The following TRIM55 variants were observed in gnomAD, a reference collection of about 807,000 sequenced individuals.
TRIM55 encodes tripartite motif-containing protein 55.
In TRIM55, 50 loss-of-function variants were observed where a neutral mutation model predicts 60.9. The observed-to-expected ratio is 0.82, with a 90% CI of 0.65 to 1.04. The LOEUF (loss-of-function observed/expected upper bound fraction) is 1.04, where lower values mean the gene tolerates loss of function less well. Ranked by LOEUF, TRIM55 falls within the 50% of genes least tolerant of loss-of-function variation. The pLI, the probability that TRIM55 is intolerant of heterozygous loss-of-function variation, is 0.00. For synonymous variants in TRIM55, 237 were observed against 238.1 expected, an observed-to-expected ratio of 1.00 and a Z score of 0.04; for missense variants, 681 against 666.9, an observed-to-expected ratio of 1.02 and a Z score of -0.23.
the TRIM55 span, chr8:66,115,225 T>C: frequency 6.6e-6 from 1 of 152,352 alleles, no homozygotes; most frequent in Non-Finnish European, 1.5e-5. Flanking sequence ...TATGCTTTTG[T>C]TACCAGTGTA....
Position 66,152,637 on chromosome 8 carries a change from C to T in TRIM55, c.1236+10C>T. ...TGCCCCTGTGACACAGGTAACCCCT[C>T]CTGAGTCTCTTTCTACAGGGCACAT... On this transcript the variant is annotated intron_variant, in intron 8 of 9. Transcript: ENST00000315962. The T allele has an allele frequency of 6.2e-7, 1 of 1,612,016 alleles. No individual in the cohort carries two copies. The highest frequency in any genetic ancestry group is 8.5e-7 in the Non-Finnish European group (1 of 1,179,050).
the TRIM55 span, chr8:66,113,364 G>A: frequency 1.9e-5 from 7 of 377,356 alleles, no homozygotes; most frequent in African/African-American, 1.1e-4. Flanking sequence ...ACACGTACAC[G>A]TCCCTTCGAT....
intron 7 of TRIM55, among the ~76,000 whole-genome samples, chr8:66,150,778 C>T (rs113610395): frequency 5.1e-4 from 78 of 152,122 alleles, no homozygotes; most frequent in African/African-American, 1.7e-3. Flanking sequence ...GCGATTCTCC[C>T]GCCTCAGCCT....
chr8:66,113,354 A>G, the TRIM55 span: 3 of 361,758 alleles, frequency 8.3e-6, no homozygotes, highest in South Asian at 6.1e-5. Context: ...GGACGCCGAC[A>G]CACGTACACG....
intron 9 of TRIM55, among the ~76,000 whole-genome samples, chr8:66,154,704 TC>T (rs969607830): frequency 1.1e-4 from 16 of 152,198 alleles, no homozygotes; most frequent in Non-Finnish European, 1.8e-4. Context: ...CTTCCCTGTG[TC>T]CTCCTTGGGC....
rs189082418 is a variant in TRIM55, at chr8:66,170,081, A to G, written c.1525-4390A>G. 2.1e-3 allele frequency among the ~76,000 whole-genome samples: 321 copies of G among 152,326 alleles called. 3 individuals are homozygous for G. The highest frequency in any genetic ancestry group is 7.4e-3 in the African/African-American group (308 of 41,560). ...AGAAAAAAATGTTAGTATAAACAGTATAACAGAAAATGGGAGTATATAATG... is the reference window on the plus strand; with the variant it reads ...AGAAAAAAATGTTAGTATAAACAGTGTAACAGAAAATGGGAGTATATAATG... On this transcript the variant is annotated intron_variant, in intron 9 of 9. Transcript: ENST00000315962.
intron 4 of TRIM55, among the ~76,000 whole-genome samples, chr8:66,144,880 AC>A (rs768140919): frequency 4.6e-5 from 7 of 152,240 alleles, no homozygotes; most frequent in Middle Eastern, 3.2e-3. Flanking sequence ...AGACGTTTTC[AC>A]AATGCAAAAG....
intron 9 of TRIM55, among the ~76,000 whole-genome samples, chr8:66,162,549 G>A (rs1306145116): frequency 6.6e-6 from 1 of 151,774 alleles, no homozygotes; most frequent in African/African-American, 2.4e-5. Context: ...GATTTAAGGA[G>A]GATTCCCTTT....
intron 9 of TRIM55, among the ~76,000 whole-genome samples, chr8:66,159,711 A>C (rs950853775): frequency 1.3e-5 from 2 of 152,106 alleles, no homozygotes; most frequent in Non-Finnish European, 2.9e-5. Flanking sequence ...GTATTGTGTC[A>C]ATCTTTCATA....
chr8:66,126,873 G>C (rs1425381354), upstream of TRIM55: 1 of 164,282 alleles, frequency 6.1e-6, no homozygotes. Flanking sequence ...GCATGGTTCA[G>C]TGGCTAGGCA....
At chr8:66,145,724 G>A (rs565313958) in intron 4 of TRIM55, among the ~76,000 whole-genome samples, 8 of 152,132 alleles carry the variant, frequency 5.3e-5, no homozygotes, top group East Asian at 1.9e-4. Context: ...GCAATGGCGC[G>A]ATCTTGGCAC....
intron 2 of TRIM55, among the ~76,000 whole-genome samples, chr8:66,130,503 T>G (rs1414739015): frequency 1.4e-5 from 2 of 145,116 alleles, no homozygotes; most frequent in African/African-American, 2.6e-5. Context: ...TAGGTAACAC[T>G]GGAATGACCT....
intron 8 of TRIM55, among the ~76,000 whole-genome samples, chr8:66,153,496 G>A (rs1240608426): frequency 6.6e-6 from 1 of 152,176 alleles, no homozygotes; most frequent in African/African-American, 2.4e-5. Context: ...TCCAGAGGGG[G>A]ATCTCAGAGA....
intron 4 of TRIM55, among the ~76,000 whole-genome samples, chr8:66,140,908 T>C (rs1302065800): frequency 2.0e-5 from 3 of 152,198 alleles, no homozygotes; most frequent in African/African-American, 7.2e-5. Flanking sequence ...TTCTGATTGG[T>C]GAAGAGTTCC....
the TRIM55 span, chr8:66,114,701 C>T: frequency 8.8e-6 from 4 of 452,192 alleles, no homozygotes; most frequent in Admixed American, 4.8e-5. Context: ...TCGGCCCCAT[C>T]TCAAGTCCGC....
At chr8:66,171,396 C>A (rs1267470957) in intron 9 of TRIM55, among the ~76,000 whole-genome samples, 1 of 152,202 alleles carries the variant, frequency 6.6e-6, no homozygotes, top group Admixed American at 6.5e-5. Context: ...CCTCCCGCTA[C>A]ATCCATGTCT....
At chr8:66,169,472 C>T (rs1811501645) in intron 9 of TRIM55, among the ~76,000 whole-genome samples, 1 of 152,218 alleles carries the variant, frequency 6.6e-6, no homozygotes, top group African/African-American at 2.4e-5. Context: ...AGCCAAATCT[C>T]CATTGAGCAT....
chr8:66,134,336 C>T (rs1166232794), intron 2 of TRIM55, among the ~76,000 whole-genome samples: 2 of 152,170 alleles, frequency 1.3e-5, no homozygotes, highest in African/African-American at 4.8e-5. Flanking sequence ...TAAGGAGGTA[C>T]ACCCACACTT....
chr8:66,141,339 G>C (rs7840087), intron 4 of TRIM55, among the ~76,000 whole-genome samples: 1 of 152,120 alleles, frequency 6.6e-6, no homozygotes, highest in Admixed American at 6.5e-5. Context: ...CGCTTCTTGA[G>C]AGTGGCTTGG....
Sources: allele counts gnomAD v4.1 joint callset (sites outside exome capture counted in the v4.1 genomes callset), GRCh38; gene constraint gnomAD v4.1.1; transcripts MANE v1.5; gene names NCBI Gene and HGNC (gene_info 2026-07-23, HGNC 2026-07-21).